DDX6: variants seen among roughly 807,000 people sequenced by gnomAD.
The protein encoded by DDX6 is DEAD-box helicase 6.
DDX6 carries 7 observed loss-of-function variants against 60.6 expected under a neutral mutation model. That is an observed-to-expected ratio of 0.12 (90% CI 0.07 to 0.22). The LOEUF is 0.22. Ranked by LOEUF, DDX6 falls within the 10% of genes least tolerant of loss-of-function variation. The pLI is 1.00. For synonymous variants in DDX6, 207 were observed against 201.0 expected (o/e 1.03, Z -0.25); for missense variants, 270 against 589.9 (o/e 0.46, Z 5.62).
At chr11:118,777,090 T>C (rs1861725886) in intron 4 of DDX6, among the ~76,000 whole-genome samples, 1 of 152,056 alleles carries the variant, frequency 6.6e-6, no homozygotes, top group Admixed American at 6.6e-5. Context: ...ACTACATACA[T>C]ACGCAATTCC....
Position 118,749,425 on chromosome 11 carries a change from A to G in DDX6, c.*2680T>C, listed in dbSNP as rs529107. On this transcript the variant is annotated 3_prime_UTR_variant, in exon 14 of 14. Coordinates refer to ENST00000534980, the MANE Select transcript of DDX6 (RefSeq NM_004397.6). ...TCCTCAGAGCATCTTTCCATTTAAC[A>G]ATTCCTATTCAAGAGTCAAGCACCA... 8.0e-5 allele frequency: 12 copies of G among 150,822 alleles called. No homozygotes were observed. The highest frequency in any genetic ancestry group is 1.5e-4 in the Non-Finnish European group (10 of 67,716). The allele number at this position is 150,822 out of a possible 1,614,324, so 9.3% of individuals were successfully genotyped here. A position where few individuals can be genotyped will look rare whatever the true frequency, so the allele number is the denominator to read the frequency against.
At chr11:118,767,920 C>A (rs1861410523) in intron 5 of DDX6, 1 of 207,548 alleles carries the variant, frequency 4.8e-6, no homozygotes, top group African/African-American at 2.3e-5. Flanking sequence ...GGCTGTGAGG[C>A]ACCGTGCCCA....
chr11:118,763,449 G>C, intron 6 of DDX6, 143 bp from the exon 7 acceptor site: 1 of 655,450 alleles, frequency 1.5e-6, no homozygotes, highest in Admixed American at 2.6e-5. Context: ...CTACTCCATT[G>C]TATAGCTCCA....
Position 118,765,081 on chromosome 11 carries a change from G to C in DDX6, c.646+128C>G, listed in dbSNP as rs1222330288. 10 of 1,076,112 alleles carry C rather than the reference G, an allele frequency of 9.3e-6. No homozygotes were observed. In the Admixed American group the frequency reaches 2.2e-4, roughly 24 times the overall value. The allele number at this position is 1,076,112 out of a possible 1,614,324, so 66.7% of individuals were successfully genotyped here. ...TTTGTCTTTTTCGCTTGAATGCAGT[G>C]GTCATTTCCTTTTCTTACTGCAGTA... On this transcript the variant is annotated intron_variant, in intron 6 of 13. Transcript: ENST00000534980.
At chr11:118,756,818 AATTTT>A (rs1414955277) in intron 10 of DDX6, among the ~76,000 whole-genome samples, 1 of 152,206 alleles carries the variant, frequency 6.6e-6, no homozygotes, top group Non-Finnish European at 1.5e-5. Flanking sequence ...TTTTTATTTT[AATTTT>A]AACTGATTTA....
At chr11:118,759,773 A>T in intron 8 of DDX6, 149 bp downstream of exon 8, 1 of 847,426 alleles carries the variant, frequency 1.2e-6, no homozygotes. Flanking sequence ...TACGTAAAAC[A>T]AATCTTTAAT....
At position 118,758,696 on chromosome 11, in the gene DDX6, C is replaced by T. The variant is rs1021129116; in HGVS notation, c.993+78G>A. 1.4e-5 allele frequency: 22 copies of T among 1,549,716 alleles called. No homozygotes were observed. In the Admixed American group the frequency reaches 1.8e-4, roughly 13 times the overall value. ...ACTACGAACTTTTATACAGTGAAGA[C>T]GGTGGGAAAATTGATGAAATCATCT... On this transcript the variant is annotated intron_variant, in intron 9 of 13. Coordinates refer to ENST00000534980, the MANE Select transcript of DDX6 (RefSeq NM_004397.6).
Position 118,781,007 on chromosome 11 carries a change from G to A in DDX6, c.264+114C>T, listed in dbSNP as rs797043047. The A allele has an allele frequency of 6.1e-5, 40 of 654,600 alleles. No individual in the cohort carries two copies. The South Asian group carries it at 7.0e-4, about 12-fold the overall frequency. The allele number at this position is 654,600 out of a possible 1,614,324, so 40.5% of individuals were successfully genotyped here. The stretch of plus-strand genomic sequence containing the variant: ...TCTATCTTACTGGGTTGGAGGAGGA[G>A]GGTGGCAGTGGTGTTATGGTCCTGA... On this transcript the variant is annotated intron_variant, in intron 3 of 13. Transcript: ENST00000534980.
At chr11:118,756,895 G>T (rs1306129568) in intron 10 of DDX6, among the ~76,000 whole-genome samples, 1 of 152,130 alleles carries the variant, frequency 6.6e-6, no homozygotes, top group African/African-American at 2.4e-5. Context: ...AGGAAGGGAA[G>T]AATAAAATTT....
chr11:118,784,994 C>T (rs540446767), intron 2 of DDX6, among the ~76,000 whole-genome samples: 3 of 152,308 alleles, frequency 2.0e-5, no homozygotes, highest in South Asian at 4.1e-4. Context: ...TCTCGAACTC[C>T]CGACCTCAGG....
intron 13 of DDX6, among the ~76,000 whole-genome samples, chr11:118,753,936 A>C (rs1860874247): frequency 6.6e-6 from 1 of 151,976 alleles, no homozygotes; most frequent in Non-Finnish European, 1.5e-5. Flanking sequence ...CTCTACTAAA[A>C]AATACAAAAA....
At chr11:118,770,409 C>T (rs375269917) in intron 4 of DDX6, among the ~76,000 whole-genome samples, 18 of 152,224 alleles carry the variant, frequency 1.2e-4, no homozygotes, top group East Asian at 7.7e-4. Context: ...CCTGGGCTAA[C>T]GACAAAAACA....
chr11:118,755,004 T>C, intron 12 of DDX6, 117 bp from the exon 13 acceptor site: 3 of 950,952 alleles, frequency 3.2e-6, no homozygotes, highest in Non-Finnish European at 4.5e-6. Flanking sequence ...GTGCCATTCT[T>C]AGTATGCAAA....
At chr11:118,779,377 T>C (rs1023222406) in intron 4 of DDX6, among the ~76,000 whole-genome samples, 26 of 152,014 alleles carry the variant, frequency 1.7e-4, no homozygotes, top group African/African-American at 3.6e-4. Context: ...ACAGATGAGA[T>C]AGAAGTATTT....
intron 5 of DDX6, among the ~76,000 whole-genome samples, chr11:118,766,244 T>C (rs1193604716): frequency 1.3e-5 from 2 of 150,366 alleles, no homozygotes; most frequent in East Asian, 2.0e-4. Context: ...CTGGGCAACA[T>C]AGCAAGACCC....
chr11:118,750,483 T>G lies in DDX6; in HGVS notation c.*1622A>C, dbSNP rs1555156938. On this transcript the variant is annotated 3_prime_UTR_variant, in exon 14 of 14. Coordinates refer to ENST00000534980, the MANE Select transcript of DDX6 (RefSeq NM_004397.6). Reference sequence around the variant, plus strand: ...AGCATGAAAGTTAACAGCTCTCAGGTTGCCCATTCCTGCAAAAGTTTATGT... The same window carrying G: ...AGCATGAAAGTTAACAGCTCTCAGGGTGCCCATTCCTGCAAAAGTTTATGT... 1.3e-5 allele frequency: 2 copies of G among 152,182 alleles called. No homozygotes were observed. Among genetic ancestry groups the G allele is most frequent in the Admixed American group, 6.6e-5 (1 of 15,262 alleles). The allele number at this position is 152,182 out of a possible 1,614,324, so 9.4% of individuals were successfully genotyped here.
intron 4 of DDX6, among the ~76,000 whole-genome samples, chr11:118,778,173 C>T (rs1258741885): frequency 5.3e-5 from 8 of 151,956 alleles, no homozygotes; most frequent in African/African-American, 1.9e-4. Flanking sequence ...CCCATCAGAG[C>T]AGAGATGAGA....
At chr11:118,752,240 G>A (rs1427466111) in intron 13 of DDX6, 143 bp from the exon 14 acceptor site, 1 of 153,942 alleles carries the variant, frequency 6.5e-6, no homozygotes, top group Non-Finnish European at 1.4e-5. Context: ...CTGGTTATAG[G>A]ATTAAATAAT....
In DDX6 at chr11:118,768,419, T is replaced by C. The variant is rs527361009; in HGVS notation, c.370-67A>G. On this transcript the variant is annotated intron_variant, in intron 4 of 13. Coordinates refer to ENST00000534980, the MANE Select transcript of DDX6 (RefSeq NM_004397.6). Reference sequence around the variant, plus strand: ...TACACAAGCAAATTCCTCTCTGAAATACACTGAAGGATACCTCTTTCGGTA... The same window carrying C: ...TACACAAGCAAATTCCTCTCTGAAACACACTGAAGGATACCTCTTTCGGTA... 9.7e-6 allele frequency: 15 copies of C among 1,544,690 alleles called. No individual in the cohort carries two copies. The African/African-American group carries it at 1.5e-4, about 15-fold the overall frequency.
Sources: gnomAD v4.1 joint callset for allele counts (sites outside exome capture counted in the v4.1 genomes callset) on GRCh38, gnomAD v4.1.1 for gene constraint, MANE v1.5 for transcripts, NCBI Gene and HGNC (gene_info 2026-07-23, HGNC 2026-07-21) for gene names.